The following KCNAB1 variants were observed in gnomAD, a reference collection of about 807,000 sequenced individuals.
KCNAB1 encodes the protein potassium voltage-gated channel subfamily A regulatory beta subunit 1, also known as voltage-gated potassium channel subunit beta-1.
In KCNAB1, 35 loss-of-function variants were observed where a neutral mutation model predicts 64.6. That is an observed-to-expected ratio of 0.54 (90% confidence interval 0.41 to 0.72). KCNAB1 has a LOEUF of 0.72. Among genes scored for constraint, KCNAB1 ranks in the 30% least tolerant of loss-of-function variants. The pLI, the probability that KCNAB1 is intolerant of heterozygous loss-of-function variation, is 0.00. For missense variants in KCNAB1, 401 were observed against 512.9 expected (o/e 0.78, Z 2.11); for synonymous variants, 177 against 183.8 (o/e 0.96, Z 0.30).
rs971762921 is a variant in KCNAB1, at chr3:156,154,189, C to T, written c.275+33303C>T. ...GTGGTGCTTTCTGAGGGAGGTTTAG[C>T]TGATTACAGTCTGACTAAGGTCACC... is the stretch of plus-strand genomic sequence containing the variant. On this transcript the variant is annotated intron_variant, in intron 1 of 13. Transcript: ENST00000490337. 2.0e-5 allele frequency among the ~76,000 whole-genome samples: 3 copies of T among 152,210 alleles called. No homozygotes were observed. In the South Asian group the frequency reaches 6.2e-4, roughly 32 times the overall value.
intron 1 of KCNAB1, among the ~76,000 whole-genome samples, chr3:156,205,115 A>C (rs1401976543): frequency 6.6e-6 from 1 of 152,188 alleles, no homozygotes; most frequent in East Asian, 1.9e-4. Flanking sequence ...TTTCTTTGCC[A>C]ACTCTGGGGT....
At chr3:156,514,328 A>G (rs1717416279) in intron 8 of KCNAB1, 36 bp from the exon 9 acceptor site, 1 of 1,544,892 alleles carries the variant, frequency 6.5e-7, no homozygotes, top group South Asian at 1.1e-5. Flanking sequence ...AAAAGTAGAC[A>G]AATTCATGAA....
chr3:156,275,481 C>G (rs1460041455), intron 1 of KCNAB1, among the ~76,000 whole-genome samples: 1 of 152,072 alleles, frequency 6.6e-6, no homozygotes, highest in Non-Finnish European at 1.5e-5. Context: ...GTTGACTGTT[C>G]CTTTCATGAA....
intron 1 of KCNAB1, among the ~76,000 whole-genome samples, chr3:156,399,044 T>A (rs1272538864): frequency 6.6e-6 from 1 of 152,216 alleles, no homozygotes; most frequent in East Asian, 1.9e-4. Flanking sequence ...TACCTCCCTC[T>A]TCCATTCACA....
At chr3:156,255,768 TCTCA>T (rs925473478) in intron 1 of KCNAB1, among the ~76,000 whole-genome samples, 6 of 152,200 alleles carry the variant, frequency 3.9e-5, no homozygotes, top group Non-Finnish European at 8.8e-5. Context: ...TCTGGTTTCC[TCTCA>T]CTCAGAATGA....
intron 8 of KCNAB1, among the ~76,000 whole-genome samples, chr3:156,509,375 GTGC>G (rs67594426): frequency 0.082 from 12,433 of 150,804 alleles, 558 homozygotes; most frequent in South Asian, 0.11. Flanking sequence ...AAGTTTCCAG[GTGC>G]TGCTGCTGCT....
At chr3:156,511,287 T>C (rs1009250212) in intron 8 of KCNAB1, among the ~76,000 whole-genome samples, 9 of 151,992 alleles carry the variant, frequency 5.9e-5, no homozygotes, top group African/African-American at 1.9e-4. Flanking sequence ...GTATTTTTAG[T>C]AGAGACGGGG....
At chr3:156,188,011 C>T (rs573647981) in intron 1 of KCNAB1, among the ~76,000 whole-genome samples, 1 of 152,130 alleles carries the variant, frequency 6.6e-6, no homozygotes, top group East Asian at 1.9e-4. Flanking sequence ...CAATATGGGA[C>T]CCTTGGTGGG....
At chr3:156,284,526 C>T (rs1048820716) in intron 1 of KCNAB1, among the ~76,000 whole-genome samples, 2 of 152,194 alleles carry the variant, frequency 1.3e-5, no homozygotes, top group African/African-American at 4.8e-5. Flanking sequence ...CTTTGTTTAC[C>T]TAATCAAGCC....
At chr3:156,316,928 A>G (rs1722312751) in intron 1 of KCNAB1, among the ~76,000 whole-genome samples, 1 of 152,186 alleles carries the variant, frequency 6.6e-6, no homozygotes, top group South Asian at 2.1e-4. Flanking sequence ...GCAAATGGAG[A>G]ATAACCTGCA....
At chr3:156,507,906 A>C (rs1422432321) in intron 8 of KCNAB1, among the ~76,000 whole-genome samples, 3 of 152,164 alleles carry the variant, frequency 2.0e-5, no homozygotes, top group Non-Finnish European at 4.4e-5. Context: ...TAAAAATAGC[A>C]ATTTTATTTG....
chr3:156,380,544 TATC>T (rs1356201298), intron 1 of KCNAB1, among the ~76,000 whole-genome samples: 21 of 152,306 alleles, frequency 1.4e-4, no homozygotes, highest in South Asian at 2.1e-4. Flanking sequence ...CTAGAGCACT[TATC>T]AGGTAGATTT....
intron 8 of KCNAB1, 91 bp downstream of exon 8, chr3:156,474,911 A>T: frequency 1.0e-6 from 1 of 985,268 alleles, no homozygotes; most frequent in Non-Finnish European, 1.6e-6. Flanking sequence ...TTGTATTCAG[A>T]CTGATCAAAC....
intron 1 of KCNAB1, among the ~76,000 whole-genome samples, chr3:156,289,845 T>C (rs57470293): frequency 1.6e-3 from 244 of 152,322 alleles, no homozygotes; most frequent in African/African-American, 5.5e-3. Context: ...TGGGAAGAAA[T>C]GGTCAGACCA....
At chr3:156,281,158 A>G (rs1719690836) in intron 1 of KCNAB1, among the ~76,000 whole-genome samples, 1 of 146,830 alleles carries the variant, frequency 6.8e-6, no homozygotes, top group Non-Finnish European at 1.5e-5. Flanking sequence ...TAATTTATTG[A>G]GAGTTTTTAG....
At chr3:156,356,556 C>T (rs1331708914) in intron 1 of KCNAB1, among the ~76,000 whole-genome samples, 2 of 152,088 alleles carry the variant, frequency 1.3e-5, no homozygotes, top group Admixed American at 6.6e-5. Flanking sequence ...TTCCTCACTA[C>T]GTTTTGTAAA....
intron 1 of KCNAB1, among the ~76,000 whole-genome samples, chr3:156,345,066 C>T (rs1286208981): frequency 6.6e-6 from 1 of 152,136 alleles, no homozygotes; most frequent in African/African-American, 2.4e-5. Flanking sequence ...TTACTTGTAC[C>T]TTAATTGCAT....
chr3:156,284,216 G>A (rs369666674), intron 1 of KCNAB1, among the ~76,000 whole-genome samples: 6,274 of 151,992 alleles, frequency 0.041, 200 homozygotes, highest in Non-Finnish European at 0.056. Flanking sequence ...GTCTGTTGGA[G>A]TACCCTGCCG....
chr3:156,400,023 G>C (rs1413473153), intron 1 of KCNAB1, among the ~76,000 whole-genome samples: 1 of 152,100 alleles, frequency 6.6e-6, no homozygotes, highest in Non-Finnish European at 1.5e-5. Context: ...CTTTATGGTG[G>C]CCACGGTTCT....
Sources: gnomAD v4.1 joint callset for allele counts (sites outside exome capture counted in the v4.1 genomes callset) on GRCh38, gnomAD v4.1.1 for gene constraint, MANE v1.5 for transcripts, NCBI Gene and HGNC (gene_info 2026-07-23, HGNC 2026-07-21) for gene names.